MALRD1: variants seen among roughly 807,000 people sequenced by gnomAD.
MALRD1 encodes the protein MAM and LDL-receptor class A domain-containing protein 1.
MALRD1 carries 247 observed loss-of-function variants against 242.1 expected under a neutral mutation model. The ratio of observed to expected loss-of-function variants is 1.02; its 90% CI spans 0.92 to 1.13. The LOEUF is 1.13. MALRD1 is among the 50% of genes most tolerant of loss of function. The pLI, the probability that MALRD1 is intolerant of heterozygous loss-of-function variation, is 0.00. For missense variants in MALRD1, 2,989 were observed against 2,533.1 expected, an observed-to-expected ratio of 1.18 and a Z score of -3.86; for synonymous variants, 995 against 866.6, an observed-to-expected ratio of 1.15 and a Z score of -2.60.
chr10:19,273,306 T>C (rs1041296860), intron 19 of MALRD1, among the ~76,000 whole-genome samples: 4 of 152,200 alleles, frequency 2.6e-5, no homozygotes, highest in African/African-American at 9.6e-5. Context: ...TACCAAGTTA[T>C]ATAGCCGCTT....
intron 38 of MALRD1, among the ~76,000 whole-genome samples, chr10:19,693,178 C>A (rs111719873): frequency 1.9e-4 from 29 of 151,726 alleles, no homozygotes; most frequent in African/African-American, 5.8e-4. Context: ...ACAGGGATGC[C>A]CTCTCTCACC....
chr10:19,387,140 A>G (rs978227826), intron 26 of MALRD1, among the ~76,000 whole-genome samples: 1 of 152,172 alleles, frequency 6.6e-6, no homozygotes, highest in African/African-American at 2.4e-5. Flanking sequence ...GCCACATAAT[A>G]CATGATCTCT....
Position 19,065,276 on chromosome 10 carries a change from A to G in MALRD1, c.200-1443A>G, listed in dbSNP as rs145167886. Among the ~76,000 whole-genome samples the G allele has an allele frequency of 4.8e-3, 628 of 129,970 alleles. 10 individuals are homozygous for G. Among genetic ancestry groups the G allele is most frequent in the African/African-American group, 0.017 (588 of 34,466 alleles). 85.3% of individuals were successfully genotyped at this position (129,970 alleles called of 152,430 possible). A position where few individuals can be genotyped will look rare whatever the true frequency, so the allele number is the denominator to read the frequency against. ...GACTCCAGCCTGGGCAACAAGAGCA[A>G]AACGCTGTCTCAAAAAAAAAAAAAA... On this transcript the variant is annotated intron_variant, in intron 1 of 39. Coordinates refer to ENST00000454679, the MANE Select transcript of MALRD1 (RefSeq NM_001142308.3).
chr10:19,335,571 C>T (rs1843569429), intron 24 of MALRD1, among the ~76,000 whole-genome samples: 1 of 152,050 alleles, frequency 6.6e-6, no homozygotes, highest in African/African-American at 2.4e-5. Context: ...AAAGAATCAC[C>T]ATAGAAAATG....
At chr10:19,575,059 G>A (rs572544303) in intron 33 of MALRD1, among the ~76,000 whole-genome samples, 264 of 152,250 alleles carry the variant, frequency 1.7e-3, no homozygotes, top group African/African-American at 6.1e-3. Context: ...TACAATCTAA[G>A]AAAATACTGC....
intron 38 of MALRD1, chr10:19,710,538 T>G (rs1287337191): frequency 6.6e-6 from 1 of 151,428 alleles, no homozygotes; most frequent in African/African-American, 2.4e-5. Flanking sequence ...TTGGTGTGTA[T>G]ACACATGTTT....
intron 21 of MALRD1, among the ~76,000 whole-genome samples, chr10:19,308,459 G>T (rs913444661): frequency 6.6e-6 from 1 of 151,572 alleles, no homozygotes; most frequent in Non-Finnish European, 1.5e-5. Context: ...ATAGACTAGG[G>T]AAAGATTAGC....
intron 19 of MALRD1, among the ~76,000 whole-genome samples, chr10:19,266,091 T>C (rs1164313726): frequency 6.6e-6 from 1 of 151,926 alleles, no homozygotes; most frequent in African/African-American, 2.4e-5. Flanking sequence ...AGTTTTAGTA[T>C]ATCTGTGTCC....
chr10:19,257,107 G>A (rs900028407), intron 18 of MALRD1, among the ~76,000 whole-genome samples: 2 of 152,060 alleles, frequency 1.3e-5, no homozygotes, highest in South Asian at 2.1e-4. Context: ...TCCTGCAGCA[G>A]CACAAATGTC....
At chr10:19,602,418 T>A (rs1221496156) in intron 34 of MALRD1, among the ~76,000 whole-genome samples, 1 of 147,624 alleles carries the variant, frequency 6.8e-6, no homozygotes, top group Non-Finnish European at 1.5e-5. Context: ...ATTGTTCAAT[T>A]CCCATCTATG....
At chr10:19,660,832 TTTAA>T (rs1841394619) in intron 36 of MALRD1, among the ~76,000 whole-genome samples, 1 of 152,182 alleles carries the variant, frequency 6.6e-6, no homozygotes, top group Non-Finnish European at 1.5e-5. Flanking sequence ...GATTTCCTTG[TTTAA>T]TTATGTTTTC....
At chr10:19,600,305 T>C (rs6481994) in intron 34 of MALRD1, among the ~76,000 whole-genome samples, 91,471 of 152,054 alleles carry the variant, frequency 0.6, 28,503 homozygotes, top group African/African-American at 0.78. Context: ...TCAGTTTCTT[T>C]GACATTAAAA....
intron 38 of MALRD1, among the ~76,000 whole-genome samples, chr10:19,714,815 G>T (rs537033193): frequency 1.3e-5 from 2 of 152,262 alleles, no homozygotes; most frequent in Non-Finnish European, 2.9e-5. Context: ...TGTGGGCAGG[G>T]TGGAGATGGG....
chr10:19,188,858 T>C (rs1465773771), intron 14 of MALRD1, among the ~76,000 whole-genome samples: 1 of 151,702 alleles, frequency 6.6e-6, no homozygotes, highest in Non-Finnish European at 1.5e-5. Context: ...GTGAGAGCAG[T>C]AGAGATGGTC....
At chr10:19,685,328 G>T (rs907343698) in intron 36 of MALRD1, among the ~76,000 whole-genome samples, 1 of 152,036 alleles carries the variant, frequency 6.6e-6, no homozygotes, top group East Asian at 1.9e-4. Context: ...AAATTCCCCA[G>T]CCGTGGCTTG....
At chr10:19,294,430 A>G (rs1841596830) in intron 21 of MALRD1, among the ~76,000 whole-genome samples, 2 of 152,238 alleles carry the variant, frequency 1.3e-5, no homozygotes, top group South Asian at 2.1e-4. Context: ...TTATGCAGAT[A>G]TATCAATTAC....
chr10:19,059,830 T>A (rs1234269835), intron 1 of MALRD1, among the ~76,000 whole-genome samples: 2 of 152,216 alleles, frequency 1.3e-5, no homozygotes, highest in Non-Finnish European at 2.9e-5. Flanking sequence ...TGTAAGCGGA[T>A]TCATTTTCTT....
At chr10:19,409,729 G>A (rs1833193726) in intron 28 of MALRD1, among the ~76,000 whole-genome samples, 1 of 152,010 alleles carries the variant, frequency 6.6e-6, no homozygotes. Flanking sequence ...AAAACTTCAT[G>A]TGAATTCATA....
intron 1 of MALRD1, among the ~76,000 whole-genome samples, chr10:19,059,172 G>T (rs1466480819): frequency 6.6e-6 from 1 of 152,054 alleles, no homozygotes; most frequent in Admixed American, 6.6e-5. Flanking sequence ...CATAATTTTT[G>T]ATGCTATTTA....
Sources: gnomAD v4.1 joint callset for allele counts (sites outside exome capture counted in the v4.1 genomes callset) on GRCh38, gnomAD v4.1.1 for gene constraint, MANE v1.5 for transcripts, NCBI Gene and HGNC (gene_info 2026-07-23, HGNC 2026-07-21) for gene names.